CAMK2G: variants seen among roughly 807,000 people sequenced by gnomAD.
CAMK2G encodes calcium/calmodulin dependent protein kinase II gamma.
In CAMK2G, 23 loss-of-function variants were observed where a neutral mutation model predicts 88.7. The observed-to-expected ratio is 0.26, with a 90% confidence interval of 0.19 to 0.37. CAMK2G has a LOEUF of 0.37. CAMK2G is among the 10% of genes least tolerant of loss of function. The probability of loss-of-function intolerance (pLI) is 1.00; values close to 1 mark genes in which losing one functional copy is unlikely to be tolerated. For missense variants in CAMK2G, 476 were observed against 780.8 expected, an observed-to-expected ratio of 0.61 and a Z score of 4.65; for synonymous variants, 263 against 294.8, an observed-to-expected ratio of 0.89 and a Z score of 1.11.
At chr10:73,840,803 G>C (rs1177968791) in intron 12 of CAMK2G, among the ~76,000 whole-genome samples, 1 of 152,220 alleles carries the variant, frequency 6.6e-6, no homozygotes, top group Non-Finnish European at 1.5e-5. Flanking sequence ...CTTCGCTCTA[G>C]GGGCAACACC....
At chr10:73,830,146 T>A (rs1270590088) in intron 14 of CAMK2G, among the ~76,000 whole-genome samples, 1 of 152,222 alleles carries the variant, frequency 6.6e-6, no homozygotes, top group Non-Finnish European at 1.5e-5. Context: ...ATCACCCTTT[T>A]CCAAAGACTG....
chr10:73,834,292 G>T (rs2633310), intron 14 of CAMK2G, among the ~76,000 whole-genome samples: 84,589 of 152,048 alleles, frequency 0.56, 25,285 homozygotes, highest in East Asian at 0.89. Context: ...CCATCACAAC[G>T]GCTGCGAATA....
chr10:73,868,096 G>A (rs1324991067), intron 2 of CAMK2G, among the ~76,000 whole-genome samples: 1 of 152,138 alleles, frequency 6.6e-6, no homozygotes, highest in Non-Finnish European at 1.5e-5. Context: ...GCCCTTGTTG[G>A]TCTGCCAAAG....
chr10:73,857,556 CTGAATTTTAACA>C (rs2095129431), intron 3 of CAMK2G, among the ~76,000 whole-genome samples: 1 of 152,166 alleles, frequency 6.6e-6, no homozygotes, highest in South Asian at 2.1e-4. Context: ...GAATCAGAAT[CTGAATTTTAACA>C]TGATCCCTGC....
rs985466758 is a variant in CAMK2G at position 73,819,633 on chromosome 10, C to T, written c.1262G>A (p.Arg421His). Reference protein sequence around the residue: ...EDEDLKAAPLRTGNGSSVPEG... With the variant: ...EDEDLKAAPLHTGNGSSVPEG... ...AGGCACCGAGCTGCCATTCCCAGTG[C>T]GGAGCGGGGCAGCTAGCCAGCCAGG... The change falls in exon 19 of 23, where the codon CGC becomes CAC. Residue 421 changes from arginine (R) to histidine (H), a missense_variant. This residue lies in a region of CAMK2G where 278 missense variants were observed against 366.5 expected (regional missense o/e 0.76). Coordinates refer to ENST00000423381, the MANE Select transcript of CAMK2G (RefSeq NM_001367534.1). 2.3e-5 allele frequency: 35 copies of T among 1,541,292 alleles called. No individual in the cohort carries two copies. The highest frequency in any genetic ancestry group is 1.8e-4 in the Admixed American group (9 of 50,882).
At chr10:73,817,770 A>G in intron 19 of CAMK2G, 1 of 573,424 alleles carries the variant, frequency 1.7e-6, no homozygotes, top group Admixed American at 3.0e-5. Flanking sequence ...CCTGAAGCCC[A>G]GCCATTAGTT....
chr10:73,818,446 G>A, intron 19 of CAMK2G: 1 of 333,972 alleles, frequency 3.0e-6, no homozygotes, highest in Non-Finnish European at 6.0e-6. Context: ...GGAGAGCTTG[G>A]GTTGAGCTTG....
At chr10:73,867,570 G>A (rs1186819072) in intron 2 of CAMK2G, among the ~76,000 whole-genome samples, 2 of 152,186 alleles carry the variant, frequency 1.3e-5, no homozygotes, top group Non-Finnish European at 2.9e-5. Flanking sequence ...GAGAAAAGAG[G>A]GGAGCAGATG....
At chr10:73,863,895 C>T (rs2095483859) in intron 2 of CAMK2G, among the ~76,000 whole-genome samples, 1 of 152,188 alleles carries the variant, frequency 6.6e-6, no homozygotes. Context: ...CTCTGAACCC[C>T]AGGACTATAC....
intron 15 of CAMK2G, among the ~76,000 whole-genome samples, chr10:73,827,737 CTCCTCATGCCTGGGAAGCAGG>C (rs1403406115): frequency 1.3e-5 from 2 of 152,350 alleles, no homozygotes; most frequent in Admixed American, 6.5e-5. Context: ...TAGGAAGCAG[CTCCTCATGCCTGGGAAGCAGG>C]GCCTCTCCTT....
intron 13 of CAMK2G, among the ~76,000 whole-genome samples, chr10:73,838,196 T>C (rs749844768): frequency 2.0e-5 from 3 of 152,186 alleles, no homozygotes; most frequent in Non-Finnish European, 4.4e-5. Flanking sequence ...TCCAGGCTGA[T>C]GAGCTCTGTG....
At chr10:73,862,524 T>C (rs145279026) in intron 2 of CAMK2G, among the ~76,000 whole-genome samples, 14 of 152,274 alleles carry the variant, frequency 9.2e-5, no homozygotes, top group Admixed American at 9.2e-4. Flanking sequence ...GAGGCATGGA[T>C]TACCATATTT....
intron 2 of CAMK2G, among the ~76,000 whole-genome samples, chr10:73,861,136 C>T (rs953298626): frequency 2.0e-5 from 3 of 152,168 alleles, no homozygotes; most frequent in Admixed American, 6.5e-5. Context: ...AAGCAATCCT[C>T]CCACCTCAGC....
intron 4 of CAMK2G, 118 bp from the exon 5 acceptor site, chr10:73,852,437 A>G: frequency 1.3e-6 from 1 of 762,604 alleles, no homozygotes; most frequent in Non-Finnish European, 2.3e-6. Flanking sequence ...CCAACTCCCC[A>G]TGCATTTCAT....
chr10:73,851,958 G>C (rs2094659914), intron 5 of CAMK2G, among the ~76,000 whole-genome samples: 1 of 152,034 alleles, frequency 6.6e-6, no homozygotes, highest in Non-Finnish European at 1.5e-5. Context: ...TGTTGGCCAG[G>C]CTGGGCTCCA....
chr10:73,830,487 G>A (rs193128786), intron 14 of CAMK2G, among the ~76,000 whole-genome samples: 1 of 152,334 alleles, frequency 6.6e-6, no homozygotes, highest in East Asian at 1.9e-4. Context: ...CTTAAAAACT[G>A]TATATTTATT....
At chr10:73,818,877 T>C (rs761746805) in intron 19 of CAMK2G, 12 of 455,444 alleles carry the variant, frequency 2.6e-5, no homozygotes, top group Middle Eastern at 3.2e-4. Context: ...GACAAAGGCA[T>C]CCTCCAGCAC....
chr10:73,857,974 C>T (rs1414929418), intron 3 of CAMK2G, among the ~76,000 whole-genome samples: 7 of 152,320 alleles, frequency 4.6e-5, no homozygotes, highest in Admixed American at 4.6e-4. Context: ...CCCAAATACC[C>T]CACGTCCCCC....
At position 73,842,091 on chromosome 10, in the gene CAMK2G, CGGTGCCCGGGATG is replaced by C. The variant is rs1360209005; in HGVS notation, c.946+65_946+77del. 2.1e-5 allele frequency: 24 copies of C among 1,166,054 alleles called. No homozygotes were observed. The highest frequency in any genetic ancestry group is 3.0e-5 in the Non-Finnish European group (23 of 771,692). 72.2% of individuals were successfully genotyped at this position (1,166,054 alleles called of 1,614,324 possible). A position where few individuals can be genotyped will look rare whatever the true frequency, so the allele number is the denominator to read the frequency against. ...GGCCCAGGACGCCGAGGAAACCCAGCGGTGCCCGGGATGGCAACAGCCCATTCCTGATCCACTC... is the reference window on the plus strand; with the variant it reads ...GGCCCAGGACGCCGAGGAAACCCAGCGCAACAGCCCATTCCTGATCCACTC... On this transcript the variant is annotated intron_variant, in intron 12 of 22. Transcript: ENST00000423381. This position sits in a 1 kb window ranked among gnomAD's most constrained non-coding sequence, Gnocchi z 4.6.
Sources: allele counts gnomAD v4.1 joint callset (sites outside exome capture counted in the v4.1 genomes callset), GRCh38; gene constraint gnomAD v4.1.1; regional missense constraint gnomAD v4.1.1; non-coding constraint Gnocchi (gnomAD v3.1); transcripts MANE v1.5; gene names NCBI Gene and HGNC (gene_info 2026-07-23, HGNC 2026-07-21).